The following ANO10 variants were observed in gnomAD, a reference collection of about 807,000 sequenced individuals.
ANO10 encodes the protein anoctamin-10.
A neutral mutation model predicts 74.7 loss-of-function variants in ANO10; 77 were observed. That is an observed-to-expected ratio of 1.03 (90% confidence interval 0.86 to 1.25). The LOEUF (loss-of-function observed/expected upper bound fraction) is 1.25. Among genes scored for constraint, ANO10 ranks in the 50% most tolerant of loss-of-function variants. The probability of loss-of-function intolerance (pLI) is 0.00; values close to 1 mark genes in which losing one functional copy is unlikely to be tolerated. For synonymous variants in ANO10, 279 were observed against 284.9 expected (o/e 0.98, Z 0.21); for missense variants, 721 against 778.1 (o/e 0.93, Z 0.87).
intron 11 of ANO10, among the ~76,000 whole-genome samples, chr3:43,490,277 G>A (rs527886687): frequency 6.6e-6 from 1 of 152,260 alleles, no homozygotes; most frequent in African/African-American, 2.4e-5. Flanking sequence ...TGGTGTGTGT[G>A]TTCCTCTCCT....
chr3:43,682,102 A>G (rs2084209593), intron 1 of ANO10, among the ~76,000 whole-genome samples: 1 of 152,250 alleles, frequency 6.6e-6, no homozygotes, highest in Non-Finnish European at 1.5e-5. Context: ...AAGGAAATAG[A>G]GACACAAAAA....
intron 12 of ANO10, among the ~76,000 whole-genome samples, chr3:43,392,624 T>A (rs886337489): frequency 6.6e-6 from 1 of 152,216 alleles, no homozygotes; most frequent in African/African-American, 2.4e-5. Flanking sequence ...TGTGAGTAAA[T>A]CTAAGGGACA....
intron 11 of ANO10, among the ~76,000 whole-genome samples, chr3:43,464,596 T>G (rs2075532497): frequency 6.6e-6 from 1 of 152,052 alleles, no homozygotes; most frequent in South Asian, 2.1e-4. Context: ...AGACAATCAC[T>G]TGAGTCCAAG....
At chr3:43,591,529 C>T (rs986334310) in intron 4 of ANO10, among the ~76,000 whole-genome samples, 2 of 152,210 alleles carry the variant, frequency 1.3e-5, no homozygotes, top group African/African-American at 2.4e-5. Flanking sequence ...AGCCTGCCCC[C>T]ATCCTGGGAG....
At chr3:43,511,013 T>C (rs539593933) in intron 11 of ANO10, among the ~76,000 whole-genome samples, 2 of 152,334 alleles carry the variant, frequency 1.3e-5, no homozygotes, top group South Asian at 2.1e-4. Context: ...TTAATTAAAA[T>C]TGTTAAAAAG....
In ANO10 at chr3:43,621,560, C is replaced by T. The variant is rs183786037; in HGVS notation, c.-12+349G>A. Among the ~76,000 whole-genome samples the T allele has an allele frequency of 6.1e-4, 93 of 152,242 alleles. No individual in the cohort carries two copies. In the Middle Eastern group the frequency reaches 0.014, roughly 22 times the overall value. On this transcript the variant is annotated intron_variant, in intron 1 of 12. Coordinates refer to ENST00000292246, the MANE Select transcript of ANO10 (RefSeq NM_018075.5). ...CTCCTTCCCCAAAGCGCTGAGGCCC[C>T]CAACATCCTCCATCCTGACTTCACC...
intron 11 of ANO10, among the ~76,000 whole-genome samples, chr3:43,474,550 T>G (rs2075994789): frequency 1.3e-5 from 2 of 152,174 alleles, no homozygotes. Flanking sequence ...ATAATAAATT[T>G]GTATTTTAAA....
intron 11 of ANO10, among the ~76,000 whole-genome samples, chr3:43,442,014 G>T (rs1052580661): frequency 1.3e-5 from 2 of 151,974 alleles, no homozygotes; most frequent in African/African-American, 4.8e-5. Context: ...CATACTAAAG[G>T]TTATATATGA....
At chr3:43,625,469 A>G (rs935292589), upstream of ANO10, among the ~76,000 whole-genome samples, 5 of 152,154 alleles carry the variant, frequency 3.3e-5, no homozygotes, top group Admixed American at 3.3e-4. Context: ...TGTTCTTTAC[A>G]TTTTATCTAG....
intron 1 of ANO10, among the ~76,000 whole-genome samples, chr3:43,645,167 A>G (rs1003213632): frequency 6.6e-6 from 1 of 152,214 alleles, no homozygotes; most frequent in South Asian, 2.1e-4. Flanking sequence ...CTTATTCACT[A>G]TGCAAGGCTC....
At chr3:43,412,635 A>G (rs2092683012) in intron 12 of ANO10, among the ~76,000 whole-genome samples, 1 of 152,200 alleles carries the variant, frequency 6.6e-6, no homozygotes, top group African/African-American at 2.4e-5. Flanking sequence ...TTTTGATCAT[A>G]TGAAAGAAAC....
intron 12 of ANO10, among the ~76,000 whole-genome samples, chr3:43,367,747 A>C (rs982565291): frequency 6.6e-6 from 1 of 151,862 alleles, no homozygotes; most frequent in African/African-American, 2.4e-5. Context: ...CTTCGGTTTT[A>C]TGGCTAGAAA....
intron 1 of ANO10, among the ~76,000 whole-genome samples, chr3:43,679,335 G>A (rs1017721651): frequency 5.9e-5 from 9 of 152,030 alleles, no homozygotes; most frequent in African/African-American, 1.7e-4. Context: ...ACGGAGCCTC[G>A]CTGATTGCTA....
chr3:43,593,088 C>T (rs1469576284), intron 4 of ANO10, among the ~76,000 whole-genome samples: 1 of 152,104 alleles, frequency 6.6e-6, no homozygotes, highest in East Asian at 1.9e-4. Context: ...AGAACAAATC[C>T]TCCAAAACAT....
intron 12 of ANO10, among the ~76,000 whole-genome samples, chr3:43,390,107 G>C (rs553944144): frequency 6.6e-6 from 1 of 152,360 alleles, no homozygotes; most frequent in Non-Finnish European, 1.5e-5. Flanking sequence ...TAGGGAAGTA[G>C]GGTCTCACAC....
intron 11 of ANO10, among the ~76,000 whole-genome samples, chr3:43,441,876 A>G (rs2093165372): frequency 6.6e-6 from 1 of 152,192 alleles, no homozygotes; most frequent in Non-Finnish European, 1.5e-5. Flanking sequence ...AACATAATAC[A>G]CCACACTAAC....
chr3:43,488,716 T>A (rs2149109360), intron 11 of ANO10, among the ~76,000 whole-genome samples: 1 of 151,898 alleles, frequency 6.6e-6, no homozygotes, highest in East Asian at 1.9e-4. Flanking sequence ...TTTTACACTG[T>A]TGGTGGGACT....
At chr3:43,656,731 G>A (rs569669088) in intron 1 of ANO10, among the ~76,000 whole-genome samples, 5 of 152,216 alleles carry the variant, frequency 3.3e-5, no homozygotes, top group Middle Eastern at 3.2e-3. Flanking sequence ...TGTGGGGCCC[G>A]CCAAGCCCAC....
chr3:43,532,794 C>T (rs2078531795), intron 11 of ANO10, among the ~76,000 whole-genome samples: 1 of 152,140 alleles, frequency 6.6e-6, no homozygotes, highest in Non-Finnish European at 1.5e-5. Flanking sequence ...ACAGCAATCT[C>T]CCCAAAACAT....
Sources: allele counts gnomAD v4.1 joint callset (sites outside exome capture counted in the v4.1 genomes callset), GRCh38; gene constraint gnomAD v4.1.1; transcripts MANE v1.5; gene names NCBI Gene and HGNC (gene_info 2026-07-23, HGNC 2026-07-21).